FSHR: variants seen among roughly 807,000 people sequenced by gnomAD.
FSHR encodes the protein follicle-stimulating hormone receptor.
In FSHR, 46 loss-of-function variants were observed where a neutral mutation model predicts 52.1. The ratio of observed to expected loss-of-function variants is 0.88; its 90% CI spans 0.70 to 1.13. The LOEUF (loss-of-function observed/expected upper bound fraction) is 1.13. Ranked by LOEUF, FSHR falls within the 50% of genes most tolerant of loss-of-function variation. The pLI, the probability that FSHR is intolerant of heterozygous loss-of-function variation, is 0.00. For synonymous variants in FSHR, 399 were observed against 309.6 expected, an observed-to-expected ratio of 1.29 and a Z score of -3.03; for missense variants, 964 against 834.6, an observed-to-expected ratio of 1.16 and a Z score of -1.91.
chr2:49,085,032 G>C (rs1670321899), intron 1 of FSHR, among the ~76,000 whole-genome samples: 2 of 152,014 alleles, frequency 1.3e-5, no homozygotes, highest in South Asian at 4.2e-4. Flanking sequence ...GCCTGGTAGA[G>C]ACACAACAAA....
intron 9 of FSHR, among the ~76,000 whole-genome samples, chr2:48,966,219 A>G (rs1422160355): frequency 6.6e-6 from 1 of 152,210 alleles, no homozygotes. Context: ...ATGAAGACAA[A>G]TGATGGTGGT....
chr2:49,061,722 A>ATT, intron 2 of FSHR, among the ~76,000 whole-genome samples: 4 of 140,240 alleles, frequency 2.9e-5, no homozygotes, highest in South Asian at 2.2e-4. Context: ...ATAACTATAT[A>ATT]TAAAAATATA....
intron 1 of FSHR, among the ~76,000 whole-genome samples, chr2:49,128,650 A>G: frequency 6.6e-6 from 1 of 151,376 alleles, no homozygotes; most frequent in South Asian, 2.1e-4. Flanking sequence ...TTAAGCAGGG[A>G]GAATTGTCCA....
At chr2:49,056,445 A>AATAT (rs70946848) in intron 2 of FSHR, among the ~76,000 whole-genome samples, 2,287 of 127,146 alleles carry the variant, frequency 0.018, 24 homozygotes, top group Non-Finnish European at 0.024. Context: ...TTACAATTGG[A>AATAT]ATATATATAT....
At chr2:48,985,122 CGATGATGA>C (rs1329721744) in intron 6 of FSHR, among the ~76,000 whole-genome samples, 1 of 152,020 alleles carries the variant, frequency 6.6e-6, no homozygotes, top group African/African-American at 2.4e-5. Context: ...ACGATGATGA[CGATGATGA>C]CGATGACTAC....
chr2:49,015,239 C>G (rs889233886), intron 4 of FSHR, among the ~76,000 whole-genome samples: 1 of 152,054 alleles, frequency 6.6e-6, no homozygotes, highest in Non-Finnish European at 1.5e-5. Flanking sequence ...AGTTTCTTTT[C>G]CATTCTGTTC....
At chr2:49,078,274 T>C (rs1670027738) in intron 1 of FSHR, among the ~76,000 whole-genome samples, 1 of 152,130 alleles carries the variant, frequency 6.6e-6, no homozygotes, top group Non-Finnish European at 1.5e-5. Flanking sequence ...GCAGGGGAAC[T>C]CCTCTTTTTA....
chr2:48,965,780 A>G (rs1674452939), intron 9 of FSHR, among the ~76,000 whole-genome samples: 1 of 152,206 alleles, frequency 6.6e-6, no homozygotes, highest in Non-Finnish European at 1.5e-5. Flanking sequence ...AACTGAAGTG[A>G]CCCACTGACA....
intron 1 of FSHR, among the ~76,000 whole-genome samples, chr2:49,136,026 C>T (rs1238533105): frequency 1.3e-5 from 2 of 150,798 alleles, no homozygotes; most frequent in African/African-American, 4.9e-5. Context: ...GTTCTATGGT[C>T]AAGTGTCAAC....
At chr2:49,066,050 TG>T (rs1359925107) in intron 2 of FSHR, among the ~76,000 whole-genome samples, 1 of 152,124 alleles carries the variant, frequency 6.6e-6, no homozygotes, top group Admixed American at 6.6e-5. Flanking sequence ...TTAATAGTGT[TG>T]AAGAATTTTT....
intron 1 of FSHR, among the ~76,000 whole-genome samples, chr2:49,139,817 CT>C (rs747535438): frequency 1.5e-4 from 23 of 151,744 alleles, no homozygotes; most frequent in Non-Finnish European, 2.6e-4. Flanking sequence ...CCAGGGTGGT[CT>C]TGATCTCCTG....
At chr2:48,999,893 A>C (rs1473518710) in intron 4 of FSHR, among the ~76,000 whole-genome samples, 3 of 152,118 alleles carry the variant, frequency 2.0e-5, no homozygotes, top group Non-Finnish European at 4.4e-5. Flanking sequence ...TTCCTAGTTC[A>C]ACCTTGGAAG....
chr2:49,008,353 A>G (rs2104172746), intron 4 of FSHR, among the ~76,000 whole-genome samples: 1 of 146,700 alleles, frequency 6.8e-6, no homozygotes, highest in South Asian at 2.2e-4. Flanking sequence ...AAAGGACATG[A>G]ACTCATCATT....
At chr2:49,152,209 T>A (rs1673087205) in intron 1 of FSHR, among the ~76,000 whole-genome samples, 1 of 152,178 alleles carries the variant, frequency 6.6e-6, no homozygotes, top group Non-Finnish European at 1.5e-5. Flanking sequence ...CTCTAATACG[T>A]ACACTGAAGT....
intron 2 of FSHR, among the ~76,000 whole-genome samples, chr2:49,021,886 T>TATAGAGAGAGAGAGAG (rs1273265515): frequency 8.0e-5 from 2 of 25,124 alleles, no homozygotes; most frequent in African/African-American, 1.5e-4. Flanking sequence ...TATATATATA[T>TATAGAGAGAGAGAGAG]AGAGAGAGAG....
chr2:49,125,211 T>G (rs1671955279), intron 1 of FSHR, among the ~76,000 whole-genome samples: 1 of 152,224 alleles, frequency 6.6e-6, no homozygotes, highest in Admixed American at 6.5e-5. Flanking sequence ...CATCATCATC[T>G]AGCATAGGGA....
At chr2:49,039,388 C>T (rs918620214) in intron 2 of FSHR, among the ~76,000 whole-genome samples, 1 of 152,188 alleles carries the variant, frequency 6.6e-6, no homozygotes. Context: ...CACAGAGTCC[C>T]TTTCAGAGAA....
At chr2:49,130,441 C>G (rs1313578710) in intron 1 of FSHR, among the ~76,000 whole-genome samples, 1 of 152,192 alleles carries the variant, frequency 6.6e-6, no homozygotes, top group African/African-American at 2.4e-5. Flanking sequence ...ATGGAATACT[C>G]TGGCCTTCAT....
chr2:49,079,347 AGTT>A (rs1269971116), intron 1 of FSHR, among the ~76,000 whole-genome samples: 4 of 151,978 alleles, frequency 2.6e-5, no homozygotes, highest in Non-Finnish European at 5.9e-5. Context: ...TCTAAAGCAC[AGTT>A]GTTTTTTTGT....
Sources: allele counts gnomAD v4.1 joint callset (sites outside exome capture counted in the v4.1 genomes callset), GRCh38; gene constraint gnomAD v4.1.1; transcripts MANE v1.5; gene names NCBI Gene and HGNC (gene_info 2026-07-23, HGNC 2026-07-21).